Variants in SLC24A3 observed in about 807,000 individuals in gnomAD.
SLC24A3 encodes the protein sodium/potassium/calcium exchanger 3.
In SLC24A3, 28 loss-of-function variants were observed where a neutral mutation model predicts 75.8. The observed-to-expected ratio is 0.37, with a 90% CI of 0.27 to 0.51. The LOEUF (loss-of-function observed/expected upper bound fraction) is 0.51. Among genes scored for constraint, SLC24A3 ranks in the 20% least tolerant of loss-of-function variants. The pLI is 0.94. For missense variants in SLC24A3, 663 were observed against 847.8 expected (o/e 0.78, Z 2.71); for synonymous variants, 372 against 334.1 (o/e 1.11, Z -1.24).
chr20:19,291,825 A>G (rs1379024426), intron 2 of SLC24A3, among the ~76,000 whole-genome samples: 5 of 152,134 alleles, frequency 3.3e-5, no homozygotes, highest in Admixed American at 1.3e-4. Flanking sequence ...CTGATATGAA[A>G]AAAAGAAAAA....
At chr20:19,522,710 G>A (rs1352628124) in intron 3 of SLC24A3, among the ~76,000 whole-genome samples, 2 of 152,032 alleles carry the variant, frequency 1.3e-5, no homozygotes, top group African/African-American at 4.8e-5. Flanking sequence ...GCAACAGAAC[G>A]GGGTGGCGCA....
chr20:19,638,858 C>T (rs917832547), intron 6 of SLC24A3, among the ~76,000 whole-genome samples: 2 of 152,082 alleles, frequency 1.3e-5, no homozygotes, highest in African/African-American at 4.8e-5. Context: ...CCAGTGGGCT[C>T]GTGGGCTTGC....
chr20:19,383,958 A>T (rs1986227562), intron 2 of SLC24A3, among the ~76,000 whole-genome samples: 1 of 152,134 alleles, frequency 6.6e-6, no homozygotes, highest in African/African-American at 2.4e-5. Flanking sequence ...GAGGACACAA[A>T]CATTCAGTCC....
intron 4 of SLC24A3, 90 bp downstream of exon 4, chr20:19,580,164 G>C: frequency 8.8e-7 from 1 of 1,142,132 alleles, no homozygotes; most frequent in Non-Finnish European, 1.3e-6. Flanking sequence ...CAAAGTCCTG[G>C]GGAGCCCTCG....
intron 2 of SLC24A3, among the ~76,000 whole-genome samples, chr20:19,314,950 A>G (rs1425933649): frequency 2.0e-5 from 3 of 152,130 alleles, no homozygotes; most frequent in African/African-American, 7.2e-5. Context: ...GACATCATTA[A>G]CTGCATGTTG....
chr20:19,647,223 G>C (rs570863567), intron 6 of SLC24A3, among the ~76,000 whole-genome samples: 1 of 152,160 alleles, frequency 6.6e-6, no homozygotes, highest in Non-Finnish European at 1.5e-5. Flanking sequence ...GTTGCCCACT[G>C]CCATGACTTG....
intron 2 of SLC24A3, among the ~76,000 whole-genome samples, chr20:19,352,937 C>G (rs1985603228): frequency 6.6e-6 from 1 of 152,182 alleles, no homozygotes; most frequent in Non-Finnish European, 1.5e-5. Flanking sequence ...GACATCACAG[C>G]TGTTGTAATG....
chr20:19,260,721 C>T (rs1568571484), intron 1 of SLC24A3, among the ~76,000 whole-genome samples: 1 of 152,208 alleles, frequency 6.6e-6, no homozygotes, highest in Non-Finnish European at 1.5e-5. Flanking sequence ...GGCTATGAGA[C>T]TGCTGTCCTC....
chr20:19,459,507 A>G (rs781213398), intron 2 of SLC24A3, among the ~76,000 whole-genome samples: 47 of 152,316 alleles, frequency 3.1e-4, no homozygotes, highest in South Asian at 1.5e-3. Context: ...CAAGTTCTGT[A>G]TGCCTTTGAG....
At chr20:19,696,008 T>A (rs1430132279) in intron 13 of SLC24A3, among the ~76,000 whole-genome samples, 1 of 114,026 alleles carries the variant, frequency 8.8e-6, no homozygotes, top group African/African-American at 3.0e-5. Context: ...CCCCTTTTTT[T>A]CCTTTTCTTT....
chr20:19,262,814 A>T (rs1428317468), intron 1 of SLC24A3, among the ~76,000 whole-genome samples: 2 of 152,110 alleles, frequency 1.3e-5, no homozygotes, highest in Non-Finnish European at 2.9e-5. Context: ...TCTGAATGTA[A>T]TACAGCTCTA....
chr20:19,549,717 G>C (rs1433763693), intron 3 of SLC24A3, among the ~76,000 whole-genome samples: 1 of 152,208 alleles, frequency 6.6e-6, no homozygotes, highest in Non-Finnish European at 1.5e-5. Flanking sequence ...CTGGGAGATA[G>C]AGGTTGCAGT....
At chr20:19,575,637 T>C (rs1466074072) in intron 3 of SLC24A3, among the ~76,000 whole-genome samples, 1 of 152,162 alleles carries the variant, frequency 6.6e-6, no homozygotes, top group Non-Finnish European at 1.5e-5. Flanking sequence ...CACTCCACAT[T>C]CACTTGTACC....
At chr20:19,463,611 G>C (rs1381693609) in intron 2 of SLC24A3, among the ~76,000 whole-genome samples, 1 of 152,176 alleles carries the variant, frequency 6.6e-6, no homozygotes, top group Non-Finnish European at 1.5e-5. Flanking sequence ...AGTGGGAACT[G>C]TGGTGGGCTA....
intron 2 of SLC24A3, among the ~76,000 whole-genome samples, chr20:19,422,449 A>G (rs1986933198): frequency 1.3e-5 from 2 of 152,190 alleles, no homozygotes; most frequent in Non-Finnish European, 2.9e-5. Flanking sequence ...GATGTATCCC[A>G]GAAAGAACTG....
intron 6 of SLC24A3, among the ~76,000 whole-genome samples, chr20:19,646,852 C>CGT (rs771991583): frequency 2.5e-4 from 38 of 150,984 alleles, no homozygotes; most frequent in East Asian, 9.8e-4. Flanking sequence ...TGTGTGTGTG[C>CGT]GTGTGTGTGT....
chr20:19,481,348 C>T (rs150556618), intron 2 of SLC24A3, among the ~76,000 whole-genome samples: 3 of 152,298 alleles, frequency 2.0e-5, no homozygotes, highest in East Asian at 3.9e-4. Context: ...GTTTATACAG[C>T]CCTGTGAAGT....
At chr20:19,410,852 C>A (rs748722187) in intron 2 of SLC24A3, among the ~76,000 whole-genome samples, 3 of 152,172 alleles carry the variant, frequency 2.0e-5, no homozygotes, top group Non-Finnish European at 4.4e-5. Flanking sequence ...GTGAAAGGCA[C>A]CATCTTTAAA....
chr20:19,349,514 A>G (rs1190354502), intron 2 of SLC24A3, among the ~76,000 whole-genome samples: 3 of 152,208 alleles, frequency 2.0e-5, no homozygotes, highest in African/African-American at 7.2e-5. Context: ...AAAGCAGACC[A>G]GAAGTTCCAG....
Sources: allele counts gnomAD v4.1 joint callset (sites outside exome capture counted in the v4.1 genomes callset), GRCh38; gene constraint gnomAD v4.1.1; transcripts MANE v1.5; gene names NCBI Gene and HGNC (gene_info 2026-07-23, HGNC 2026-07-21).